CDH13: variants seen among roughly 807,000 people sequenced by gnomAD.
CDH13 encodes cadherin 13, also known as cadherin-13.
CDH13 carries 24 observed loss-of-function variants against 63.8 expected under a neutral mutation model. That is an observed-to-expected ratio of 0.38 (90% CI 0.27 to 0.53). The LOEUF (loss-of-function observed/expected upper bound fraction) is 0.53. Ranked by LOEUF, CDH13 falls within the 20% of genes least tolerant of loss-of-function variation. The pLI is 0.85. For missense variants in CDH13, 1,049 were observed against 903.1 expected (o/e 1.16, Z -2.07); for synonymous variants, 503 against 355.3 (o/e 1.42, Z -4.67).
chr16:83,560,184 C>T (rs1474834255), intron 7 of CDH13, among the ~76,000 whole-genome samples: 2 of 152,188 alleles, frequency 1.3e-5, no homozygotes, highest in African/African-American at 2.4e-5. Flanking sequence ...GAGAGGTCTC[C>T]CTCTCACAGA....
At position 83,748,000 on chromosome 16, in the gene CDH13, G is replaced by A. The variant is rs575664445; in HGVS notation, c.1539-108G>A. 15 of 1,195,826 alleles carry A rather than the reference G, an allele frequency of 1.3e-5. No individual in the cohort carries two copies. The East Asian group carries it at 2.1e-4, about 17-fold the overall frequency. 74.1% of individuals were successfully genotyped at this position (1,195,826 alleles called of 1,614,324 possible). A position where few individuals can be genotyped will look rare whatever the true frequency, so the allele number is the denominator to read the frequency against. On this transcript the variant is annotated intron_variant, in intron 10 of 13. Coordinates refer to ENST00000567109, the MANE Select transcript of CDH13 (RefSeq NM_001257.5). ...ACAGAAATGATGGTTTTGGATTTTTGTTACCTAGGATCCAGCACCTAGCCT... is the reference window on the plus strand; with the variant it reads ...ACAGAAATGATGGTTTTGGATTTTTATTACCTAGGATCCAGCACCTAGCCT...
chr16:83,008,444 G>A (rs1422750081), intron 2 of CDH13, among the ~76,000 whole-genome samples: 2 of 152,206 alleles, frequency 1.3e-5, no homozygotes, highest in Admixed American at 6.5e-5. Flanking sequence ...CTGGGGGATT[G>A]AGGAAGAACT....
At chr16:83,350,640 T>C (rs2090934091) in intron 6 of CDH13, among the ~76,000 whole-genome samples, 1 of 152,200 alleles carries the variant, frequency 6.6e-6, no homozygotes, top group South Asian at 2.1e-4. Flanking sequence ...ACACTGGACC[T>C]GGCAGGTGCT....
At chr16:83,461,553 C>T (rs1335562919) in intron 6 of CDH13, among the ~76,000 whole-genome samples, 1 of 152,140 alleles carries the variant, frequency 6.6e-6, no homozygotes, top group African/African-American at 2.4e-5. Flanking sequence ...CATGCACAAA[C>T]AATATTGGGG....
At chr16:83,088,163 A>C (rs2033707342) in intron 3 of CDH13, among the ~76,000 whole-genome samples, 1 of 152,206 alleles carries the variant, frequency 6.6e-6, no homozygotes, top group Non-Finnish European at 1.5e-5. Flanking sequence ...GGCTCACGAC[A>C]ACAAAAGCCT....
At chr16:83,550,440 A>G (rs370185817) in intron 7 of CDH13, among the ~76,000 whole-genome samples, 10 of 152,224 alleles carry the variant, frequency 6.6e-5, no homozygotes, top group Admixed American at 1.3e-4. Context: ...ACATTTGGTG[A>G]TTGAATGTTG....
At chr16:83,705,251 A>C (rs1906840304) in intron 10 of CDH13, among the ~76,000 whole-genome samples, 1 of 152,216 alleles carries the variant, frequency 6.6e-6, no homozygotes, top group Non-Finnish European at 1.5e-5. Context: ...TGCTCTAATC[A>C]CTAAACCTGA....
intron 2 of CDH13, among the ~76,000 whole-genome samples, chr16:82,943,736 G>C (rs147244037): frequency 1.3e-5 from 2 of 152,340 alleles, no homozygotes; most frequent in Non-Finnish European, 2.9e-5. Flanking sequence ...AATTGAGATA[G>C]AATTTGGACT....
At chr16:82,788,328 A>G (rs2036124035) in intron 1 of CDH13, among the ~76,000 whole-genome samples, 1 of 152,160 alleles carries the variant, frequency 6.6e-6, no homozygotes, top group African/African-American at 2.4e-5. Flanking sequence ...ATCTGCCTGT[A>G]CCTCCAGCAG....
intron 6 of CDH13, among the ~76,000 whole-genome samples, chr16:83,427,625 A>G (rs928929469): frequency 1.3e-5 from 2 of 152,150 alleles, no homozygotes; most frequent in Admixed American, 1.3e-4. Flanking sequence ...ATAAAATACC[A>G]GCACCACTAG....
chr16:83,536,056 C>T (rs1249207021), intron 7 of CDH13, among the ~76,000 whole-genome samples: 1 of 152,166 alleles, frequency 6.6e-6, no homozygotes, highest in Non-Finnish European at 1.5e-5. Flanking sequence ...GAAAAATTCA[C>T]CCAGGACAAC....
At chr16:83,150,976 G>C (rs775926072) in intron 4 of CDH13, among the ~76,000 whole-genome samples, 2 of 152,040 alleles carry the variant, frequency 1.3e-5, no homozygotes, top group Non-Finnish European at 2.9e-5. Flanking sequence ...TACATTCCCA[G>C]TGCATTGTGA....
chr16:83,273,107 C>G (rs577175026), intron 5 of CDH13, among the ~76,000 whole-genome samples: 1 of 152,258 alleles, frequency 6.6e-6, no homozygotes, highest in Admixed American at 6.5e-5. Flanking sequence ...ATTGAGCAGT[C>G]TTTCACCCTA....
At chr16:83,035,920 A>G (rs1288699707) in intron 3 of CDH13, among the ~76,000 whole-genome samples, 1 of 152,154 alleles carries the variant, frequency 6.6e-6, no homozygotes, top group Non-Finnish European at 1.5e-5. Context: ...ATGCTTACGT[A>G]ATACTTACTA....
rs190421514 is a variant in CDH13, at chr16:83,234,288, G to C, written c.636+16791G>C. On this transcript the variant is annotated intron_variant, in intron 5 of 13. Coordinates refer to ENST00000567109, the MANE Select transcript of CDH13 (RefSeq NM_001257.5). The stretch of plus-strand genomic sequence containing the variant: ...GGATGATTTTCTTCAGAATGAGTGA[G>C]TGTCACAAAACAGCCGGCCACTTGA... 1.9e-3 allele frequency among the ~76,000 whole-genome samples: 288 copies of C among 152,318 alleles called. 3 individuals carry two copies. The highest frequency in any genetic ancestry group is 6.5e-3 in the African/African-American group (269 of 41,570).
At position 83,396,446 on chromosome 16, in the gene CDH13, C is replaced by T. The variant is rs1274611098; in HGVS notation, c.781+51440C>T. On this transcript the variant is annotated intron_variant, in intron 6 of 13. Coordinates refer to ENST00000567109, the MANE Select transcript of CDH13 (RefSeq NM_001257.5). ...ACTTCCAGGAGATTTGGAAGGCAGC[C>T]AGGAGTCCCTCTTTCCTCTCTGTTG... 2.6e-5 allele frequency: 4 copies of T among 152,190 alleles called. No homozygotes were observed. In the East Asian group the frequency reaches 7.7e-4, roughly 29 times the overall value. The allele number at this position is 152,190 out of a possible 1,614,324, so 9.4% of individuals were successfully genotyped here.
At chr16:83,786,941 C>T (rs1915924062) in intron 13 of CDH13, among the ~76,000 whole-genome samples, 1 of 152,152 alleles carries the variant, frequency 6.6e-6, no homozygotes, top group Non-Finnish European at 1.5e-5. Context: ...GGTAAAATTG[C>T]CTATGTTTCT....
At chr16:83,271,422 T>TAAAAAAAAAA (rs56382330) in intron 5 of CDH13, among the ~76,000 whole-genome samples, 1,144 of 25,966 alleles carry the variant, frequency 0.044, 323 homozygotes, top group Middle Eastern at 0.062. Context: ...GCAGAGTTCA[T>TAAAAAAAAAA]AAAAAAAAAA....
chr16:83,671,019 G>A, intron 9 of CDH13, 47 bp downstream of exon 9: 1 of 1,449,728 alleles, frequency 6.9e-7, no homozygotes. Context: ...GAGCACGGAG[G>A]GCCCCATGAG....
Sources: gnomAD v4.1 joint callset for allele counts (sites outside exome capture counted in the v4.1 genomes callset) on GRCh38, gnomAD v4.1.1 for gene constraint, MANE v1.5 for transcripts, NCBI Gene and HGNC (gene_info 2026-07-23, HGNC 2026-07-21) for gene names.